Variants in MLIP observed in about 807,000 individuals in gnomAD.
The protein encoded by MLIP is muscular LMNA-interacting protein.
A neutral mutation model predicts 84.8 loss-of-function variants in MLIP; 79 were observed. The ratio of observed to expected loss-of-function variants is 0.93; its 90% CI spans 0.78 to 1.12. The LOEUF (loss-of-function observed/expected upper bound fraction) is 1.12, where lower values mean the gene tolerates loss of function less well. Among genes scored for constraint, MLIP ranks in the 50% most tolerant of loss-of-function variants. The probability of loss-of-function intolerance (pLI) is 0.00; values close to 1 mark genes in which losing one functional copy is unlikely to be tolerated. For synonymous variants in MLIP, 504 were observed against 463.0 expected (o/e 1.09, Z -1.14); for missense variants, 1,257 against 1,160.6 (o/e 1.08, Z -1.21).
intron 13 of MLIP, among the ~76,000 whole-genome samples, chr6:54,261,294 C>T (rs944576881): frequency 1.3e-5 from 2 of 151,988 alleles, no homozygotes; most frequent in African/African-American, 2.4e-5. Context: ...TATAAACAGA[C>T]CGCCCCTCTT....
At chr6:54,224,035 T>C (rs546848129) in intron 11 of MLIP, among the ~76,000 whole-genome samples, 1 of 151,940 alleles carries the variant, frequency 6.6e-6, no homozygotes, top group South Asian at 2.1e-4. Flanking sequence ...ATAAAACAAA[T>C]ATTTAGAGGA....
intron 12 of MLIP, among the ~76,000 whole-genome samples, chr6:54,239,368 A>AT (rs1562094714): frequency 6.3e-5 from 9 of 141,754 alleles, no homozygotes; most frequent in African/African-American, 1.9e-4. Context: ...TATATATATA[A>AT]TATATATATA....
chr6:54,133,623 T>A (rs544234390), intron 3 of MLIP, among the ~76,000 whole-genome samples: 1 of 152,210 alleles, frequency 6.6e-6, no homozygotes, highest in African/African-American at 2.4e-5. Context: ...TGAATATATA[T>A]ACAGGAGCAG....
intron 5 of MLIP, among the ~76,000 whole-genome samples, chr6:54,158,983 G>A (rs1282423691): frequency 1.3e-5 from 2 of 152,048 alleles, no homozygotes; most frequent in Admixed American, 1.3e-4. Context: ...TGTGATCAGG[G>A]CTCACTGCAG....
chr6:54,241,579 T>A lies in MLIP; in HGVS notation c.2922+10662T>A, dbSNP rs549653227. Reference sequence around the variant, plus strand: ...AATACCATAGCCACCAACATGTACTTTCTTATGATTTCCTTTTTTAAAAAA... The same window carrying A: ...AATACCATAGCCACCAACATGTACTATCTTATGATTTCCTTTTTTAAAAAA... On this transcript the variant is annotated intron_variant, in intron 12 of 13. Coordinates refer to ENST00000502396, the MANE Select transcript of MLIP (RefSeq NM_001281747.2). Among the ~76,000 whole-genome samples the A allele has an allele frequency of 3.9e-5, 6 of 152,268 alleles. No individual in the cohort carries two copies. The South Asian group carries it at 1.2e-3, about 32-fold the overall frequency.
chr6:54,108,406 C>T (rs553721903), upstream of MLIP, among the ~76,000 whole-genome samples: 244 of 152,266 alleles, frequency 1.6e-3, no homozygotes, highest in African/African-American at 5.1e-3. Context: ...AAGACTAGGA[C>T]CCATTTTTTG....
chr6:54,233,842 A>G (rs11968380), intron 12 of MLIP, among the ~76,000 whole-genome samples: 364 of 152,242 alleles, frequency 2.4e-3, no homozygotes, highest in African/African-American at 8.4e-3. Context: ...CTCTCTCCAG[A>G]TCTTCTCCAG....
At chr6:54,182,623 TA>T (rs1776997590) in intron 9 of MLIP, among the ~76,000 whole-genome samples, 1 of 152,210 alleles carries the variant, frequency 6.6e-6, no homozygotes, top group Non-Finnish European at 1.5e-5. Context: ...AATTATCTAT[TA>T]ACATTCTATT....
At chr6:54,233,058 G>A (rs1357060671) in intron 12 of MLIP, among the ~76,000 whole-genome samples, 1 of 152,180 alleles carries the variant, frequency 6.6e-6, no homozygotes, top group Non-Finnish European at 1.5e-5. Flanking sequence ...ATAACTGGGT[G>A]CATCATATCC....
At chr6:54,176,770 C>T (rs559754036) in intron 9 of MLIP, among the ~76,000 whole-genome samples, 47 of 152,056 alleles carry the variant, frequency 3.1e-4, no homozygotes, top group African/African-American at 1.1e-3. Flanking sequence ...AAGAACAAAG[C>T]TGAAGGCATC....
At position 54,239,574 on chromosome 6, in the gene MLIP, C is replaced by T. The variant is rs576620585; in HGVS notation, c.2922+8657C>T. Among the ~76,000 whole-genome samples, 4 of 149,694 alleles carry T rather than the reference C, an allele frequency of 2.7e-5. No individual in the cohort carries two copies. In the South Asian group the frequency reaches 6.3e-4, roughly 24 times the overall value. On this transcript the variant is annotated intron_variant, in intron 12 of 13. Coordinates refer to ENST00000502396, the MANE Select transcript of MLIP (RefSeq NM_001281747.2). ...TCATTTGAGGTCAGGAGTTCAAGAC[C>T]AGCCTGACCAACATCCAACGTGGTG...
At chr6:54,189,811 C>G in intron 9 of MLIP, 59 bp from the exon 10 acceptor site, 1 of 1,266,746 alleles carries the variant, frequency 7.9e-7, no homozygotes. Context: ...TACTTAAACA[C>G]ATACATATTT....
intron 1 of MLIP, among the ~76,000 whole-genome samples, chr6:54,076,527 T>G (rs1044407265): frequency 6.6e-6 from 1 of 152,202 alleles, no homozygotes. Context: ...GCAAGTGGGG[T>G]TTAATTAGTG....
chr6:54,186,539 G>A (rs888969479), intron 9 of MLIP, among the ~76,000 whole-genome samples: 13 of 152,178 alleles, frequency 8.5e-5, no homozygotes, highest in Non-Finnish European at 7.3e-5. Flanking sequence ...TAATTGAGTC[G>A]CAGTTCTGCA....
chr6:54,158,471 C>T (rs1415934253), intron 5 of MLIP, among the ~76,000 whole-genome samples: 1 of 152,036 alleles, frequency 6.6e-6, no homozygotes, highest in African/African-American at 2.4e-5. Context: ...GTCTTCAGAA[C>T]CCATGGCATA....
rs775555889 is a variant in MLIP, at chr6:54,169,591, A to G, written c.2544+19A>G. On this transcript the variant is annotated intron_variant, in intron 9 of 13. Coordinates refer to ENST00000502396, the MANE Select transcript of MLIP (RefSeq NM_001281747.2). ...CAAATATGTAAGTACCTTTATAATT[A>G]TACACACTGCTTTTCAAATGGGTGC... 7 of 1,559,786 alleles carry G rather than the reference A, an allele frequency of 4.5e-6. No homozygotes were observed. The South Asian group carries it at 6.0e-5, about 13-fold the overall frequency.
intron 11 of MLIP, among the ~76,000 whole-genome samples, chr6:54,223,864 A>G (rs1464926872): frequency 6.6e-6 from 1 of 152,098 alleles, no homozygotes; most frequent in Non-Finnish European, 1.5e-5. Flanking sequence ...AAAGTAAGCT[A>G]ATGAAATCAT....
In MLIP at chr6:54,058,971, C is replaced by T. The variant is rs555070840; in HGVS notation, c.63+39880C>T. On this transcript the variant is annotated intron_variant, in intron 1 of 12. Transcript: ENST00000274897. ...CAAGCTTAAAGCTCCGTAGTTGAAC[C>T]TGAATGGTTTTAACAACAGTATCAA... The T allele has an allele frequency of 2.0e-5, 3 of 152,250 alleles. No individual in the cohort carries two copies. The South Asian group carries it at 6.2e-4, about 32-fold the overall frequency. 9.4% of individuals were successfully genotyped at this position (152,250 alleles called of 1,614,324 possible).
At chr6:54,038,354 G>A (rs9637973) in intron 1 of MLIP, among the ~76,000 whole-genome samples, 77,300 of 151,634 alleles carry the variant, frequency 0.51, 23,638 homozygotes, top group Non-Finnish European at 0.69. Flanking sequence ...TGTCAAAAAT[G>A]GTTTGGATTA....
Sources: allele counts gnomAD v4.1 joint callset (sites outside exome capture counted in the v4.1 genomes callset), GRCh38; gene constraint gnomAD v4.1.1; transcripts MANE v1.5; gene names NCBI Gene and HGNC (gene_info 2026-07-23, HGNC 2026-07-21).